MICAL3: variants seen among roughly 807,000 people sequenced by gnomAD.
MICAL3 encodes the protein [F-actin]-monooxygenase MICAL3.
Under a neutral mutation model 207.4 loss-of-function variants are expected in MICAL3, and 62 were observed. The ratio of observed to expected loss-of-function variants is 0.30; its 90% CI spans 0.24 to 0.37. MICAL3 has a LOEUF of 0.37. MICAL3 is among the 10% of genes least tolerant of loss of function. The pLI, the probability that MICAL3 is intolerant of heterozygous loss-of-function variation, is 1.00. For synonymous variants in MICAL3, 1,077 were observed against 1,069.3 expected, an observed-to-expected ratio of 1.01 and a Z score of -0.14; for missense variants, 2,368 against 2,635.6, an observed-to-expected ratio of 0.90 and a Z score of 2.22.
intron 29 of MICAL3, among the ~76,000 whole-genome samples, chr22:17,792,485 G>C (rs955251695): frequency 7.2e-5 from 11 of 152,204 alleles, no homozygotes; most frequent in African/African-American, 2.7e-4. Flanking sequence ...GGCCAGTTAA[G>C]ACAAGCCCAG....
intron 20 of MICAL3, among the ~76,000 whole-genome samples, chr22:17,835,977 C>T (rs1277857305): frequency 2.0e-5 from 3 of 152,230 alleles, no homozygotes; most frequent in East Asian, 1.9e-4. Flanking sequence ...CGACTGTCCC[C>T]CGGTAAAGCC....
chr22:17,982,308 T>G (rs1278102704), intron 1 of MICAL3, among the ~76,000 whole-genome samples: 1 of 152,214 alleles, frequency 6.6e-6, no homozygotes, highest in African/African-American at 2.4e-5. Context: ...CTGGAGAAAC[T>G]GCACGTGCAA....
At chr22:17,831,347 AGTGGCTGGCCCCTGGGCCTGAGTATCC>A (rs1306507400) in intron 21 of MICAL3, among the ~76,000 whole-genome samples, 1 of 152,160 alleles carries the variant, frequency 6.6e-6, no homozygotes, top group African/African-American at 2.4e-5. Context: ...AACCAGCCAG[AGTGGCTGGCCCCTGGGCCTGAGTATCC>A]CTTCAGGACA....
chr22:17,808,850 C>T lies in MICAL3; in HGVS notation c.5644G>A (p.Glu1882Lys), dbSNP rs1397344202. 7.7e-6 allele frequency: 12 copies of T among 1,552,274 alleles called. No individual in the cohort carries two copies. The highest frequency in any genetic ancestry group is 1.7e-4 in the Middle Eastern group (1 of 5,988). Residue 1882 changes from glutamate (E) to lysine (K), a missense_variant, in exon 29 of 32, where the codon GAA (glutamate) becomes AAA (lysine). This residue lies in a region of MICAL3 where 1,770 missense variants were observed against 1,863.2 expected (regional missense o/e 0.95). Transcript: ENST00000441493. ...GGAGGGAGCCCGGCAGTACCTGCTT[C>T]GCCCCGGAGCGCCTTCTCCACAGCC... ...GVAVEKALRG[E>K]AGMGKKDDPK... is the part of the protein sequence containing the mutation.
At chr22:18,015,667 C>T (rs1924011387) in intron 1 of MICAL3, among the ~76,000 whole-genome samples, 1 of 152,082 alleles carries the variant, frequency 6.6e-6, no homozygotes, top group Non-Finnish European at 1.5e-5. Context: ...CTGTCATGGC[C>T]TCCGACCACG....
Position 17,895,396 on chromosome 22 carries a change from C to T in MICAL3, c.1337G>A (p.Arg446Lys). 6.2e-7 allele frequency: 1 copy of T among 1,613,684 alleles called. No individual in the cohort carries two copies. The highest frequency in any genetic ancestry group is 8.5e-7 in the Non-Finnish European group (1 of 1,179,780). The stretch of plus-strand genomic sequence containing the variant: ...CTCAGGGGTGGTCTGAGGCAGCAAC[C>T]TGTAAATACTTTCCCTGCAATAACA... ...EVLAERESIY[R>K]LLPQTTPENV... is the part of the protein sequence containing the mutation. The change falls in exon 10 of 32, where the codon AGG becomes AAG. Residue 446 changes from arginine (R) to lysine (K), a missense_variant. Transcript: ENST00000441493.
chr22:17,808,858 A>G lies in MICAL3; in HGVS notation c.5636T>C (p.Leu1879Pro), dbSNP rs371273245. The part of the protein sequence containing the change: ...EERGVAVEKA[L>P]RGEAGMGKKD... ...CCCGGCAGTACCTGCTTCGCCCCGG[A>G]GCGCCTTCTCCACAGCCACGCCCCT... The change falls in exon 29 of 32, where the codon CTC becomes CCC. Residue 1879 changes from leucine (L) to proline (P), a missense_variant. Transcript: ENST00000441493. 6.4e-7 allele frequency: 1 copy of G among 1,552,658 alleles called. No homozygotes were observed. The highest frequency in any genetic ancestry group is 8.7e-7 in the Non-Finnish European group (1 of 1,147,952).
At chr22:17,980,445 C>T (rs922105334) in intron 1 of MICAL3, among the ~76,000 whole-genome samples, 8 of 152,226 alleles carry the variant, frequency 5.3e-5, no homozygotes, top group Non-Finnish European at 7.3e-5. Flanking sequence ...GCTGACTGCA[C>T]ACACATCTGG....
At chr22:17,889,813 A>G (rs1930245135) in intron 12 of MICAL3, among the ~76,000 whole-genome samples, 5 of 152,152 alleles carry the variant, frequency 3.3e-5, no homozygotes, top group Admixed American at 2.6e-4. Context: ...CTCTAAAAAT[A>G]AAAATAAAAA....
intron 1 of MICAL3, among the ~76,000 whole-genome samples, chr22:18,012,530 G>T (rs1320050888): frequency 2.0e-5 from 3 of 152,210 alleles, no homozygotes; most frequent in Non-Finnish European, 4.4e-5. Flanking sequence ...CTTCACGGGT[G>T]CATTGCCCAT....
intron 16 of MICAL3, among the ~76,000 whole-genome samples, chr22:17,873,056 G>C (rs1207868610): frequency 1.3e-5 from 2 of 152,244 alleles, no homozygotes; most frequent in Admixed American, 6.5e-5. Context: ...TGTCCACGCA[G>C]GGGTACCGGC....
chr22:17,928,302 G>A (rs1933024386), intron 1 of MICAL3, among the ~76,000 whole-genome samples: 1 of 152,150 alleles, frequency 6.6e-6, no homozygotes, highest in South Asian at 2.1e-4. Context: ...AGCGGGGCGT[G>A]GTGGCGGGCA....
In MICAL3 at chr22:17,827,669, C is replaced by A; in HGVS notation, c.3168G>T (p.Pro1056=). 1.3e-6 allele frequency: 2 copies of A among 1,576,794 alleles called. No individual in the cohort carries two copies. The highest frequency in any genetic ancestry group is 1.7e-6 in the Non-Finnish European group (2 of 1,161,666). The change falls in exon 22 of 32, where the codon CCG becomes CCT. Residue 1056 remains proline (P), a synonymous_variant. Coordinates refer to ENST00000441493, the MANE Select transcript of MICAL3 (RefSeq NM_015241.3). ...CTCCGGAAGCAGAGGACTCAGAGGCCGGCGCCATCCTCTCTTCCTCCTCTC... is the reference window on the plus strand; with the variant it reads ...CTCCGGAAGCAGAGGACTCAGAGGCAGGCGCCATCCTCTCTTCCTCCTCTC... ...REREEEERMA[P]ASESSASGAP...
At chr22:17,962,914 A>G (rs912817106) in intron 1 of MICAL3, among the ~76,000 whole-genome samples, 1 of 152,036 alleles carries the variant, frequency 6.6e-6, no homozygotes, top group African/African-American at 2.4e-5. Context: ...ATGCCCAGCT[A>G]AATTTTTTTT....
intron 1 of MICAL3, among the ~76,000 whole-genome samples, chr22:17,976,576 TATATATATATATA>T (rs1261042048): frequency 1.0e-4 from 10 of 98,006 alleles, no homozygotes; most frequent in African/African-American, 4.6e-4. Context: ...TATATATATA[TATATATATATATA>T]TTTTTTTTTT....
intron 22 of MICAL3, among the ~76,000 whole-genome samples, chr22:17,823,771 G>A (rs1003743287): frequency 1.3e-4 from 20 of 152,022 alleles, no homozygotes; most frequent in African/African-American, 3.1e-4. Context: ...AAAAAAATTC[G>A]AAATCCAAAA....
In MICAL3 at chr22:17,810,723, T is replaced by G. The variant is rs2062039220; in HGVS notation, c.5536A>C (p.Lys1846Gln). The stretch of plus-strand genomic sequence containing the variant: ...TTTACCTGGGCTCGATGCAGCCGCT[T>G]AAGCTCCTCCTGCTTGGCCTGTCTC... ...ARRQAKQEEL[K>Q]RLHRAQIIQR... The change falls in exon 28 of 32, where the codon AAG becomes CAG. Residue 1846 changes from lysine to glutamine, a missense_variant. By Grantham distance (53) the Lys-to-Gln change is moderately conservative. Coordinates refer to ENST00000441493, the MANE Select transcript of MICAL3 (RefSeq NM_015241.3). The G allele has an allele frequency of 6.2e-7, 1 of 1,613,846 alleles. No individual in the cohort carries two copies.
intron 1 of MICAL3, among the ~76,000 whole-genome samples, chr22:17,976,531 A>ATGTGTGTGTG (rs1239655452): frequency 1.5e-4 from 17 of 114,580 alleles, no homozygotes; most frequent in African/African-American, 6.6e-4. Flanking sequence ...ATATGTGTAT[A>ATGTGTGTGTG]TATATGTGTG....
Position 17,865,179 on chromosome 22 carries a change from T to C in MICAL3, c.2518-193A>G, listed in dbSNP as rs58734469. On this transcript the variant is annotated intron_variant, in intron 18 of 31. Coordinates refer to ENST00000441493, the MANE Select transcript of MICAL3 (RefSeq NM_015241.3). The stretch of plus-strand genomic sequence containing the variant: ...AGGCTGGAGTGCAGCGGCATCATCA[T>C]AGCTCACTGCAGCCCCGACCTCCTG... Among the ~76,000 whole-genome samples, 1,066 of 152,010 alleles carry C rather than the reference T, an allele frequency of 7.0e-3. 12 individuals carry two copies. Among genetic ancestry groups the C allele is most frequent in the African/African-American group, 0.024 (1,004 of 41,426 alleles).
Sources: allele counts gnomAD v4.1 joint callset (sites outside exome capture counted in the v4.1 genomes callset), GRCh38; gene constraint gnomAD v4.1.1; regional missense constraint gnomAD v4.1.1; transcripts MANE v1.5; gene names NCBI Gene and HGNC (gene_info 2026-07-23, HGNC 2026-07-21).